Variants in ADGRG6 observed in about 807,000 individuals in gnomAD.
The protein encoded by ADGRG6 is G-protein coupled receptor 126.
A neutral mutation model predicts 142.4 loss-of-function variants in ADGRG6; 84 were observed. The observed-to-expected ratio is 0.59, with a 90% CI of 0.49 to 0.71. The LOEUF (loss-of-function observed/expected upper bound fraction) is 0.71, where lower values mean the gene tolerates loss of function less well. Ranked by LOEUF, ADGRG6 falls within the 30% of genes least tolerant of loss-of-function variation. The pLI, the probability that ADGRG6 is intolerant of heterozygous loss-of-function variation, is 0.00. For missense variants in ADGRG6, 1,367 were observed against 1,466.6 expected (o/e 0.93, Z 1.11); for synonymous variants, 521 against 520.5 (o/e 1.00, Z -0.01).
At chr6:142,353,069 C>G (rs1427940328) in intron 2 of ADGRG6, among the ~76,000 whole-genome samples, 1 of 152,044 alleles carries the variant, frequency 6.6e-6, no homozygotes, top group Non-Finnish European at 1.5e-5. Flanking sequence ...AGTATGAACT[C>G]AAGGTAAGTG....
Position 142,402,807 on chromosome 6 carries a change from T to C in ADGRG6, c.1932T>C (p.Ser644=), listed in dbSNP as rs775155415. 2.5e-6 allele frequency: 4 copies of C among 1,584,528 alleles called. No individual in the cohort carries two copies. In the South Asian group the frequency reaches 3.5e-5, roughly 14 times the overall value. Residue 644 remains serine, a synonymous_variant, in exon 13 of 25, where the codon AGT becomes AGC. Transcript: ENST00000367609. ...IFSNILSSSD[S]DLLESSSEAL... ...CTAATATCTTAAGCAGTTCAGACAG[T>C]GACTTGCTTGAGTCATCTTCTGAGT... is the stretch of plus-strand genomic sequence containing the variant.
At chr6:142,413,899 T>TCACACACACACACACACACACACA (rs112923600) in intron 18 of ADGRG6, among the ~76,000 whole-genome samples, 2 of 141,394 alleles carry the variant, frequency 1.4e-5, no homozygotes, top group Non-Finnish European at 3.1e-5. Flanking sequence ...CATTTCTTTA[T>TCACACACACACACACACACACACA]CACACACACA....
chr6:142,439,002 T>C (rs1031304785), intron 24 of ADGRG6, among the ~76,000 whole-genome samples: 6 of 152,178 alleles, frequency 3.9e-5, no homozygotes, highest in African/African-American at 1.4e-4. Context: ...AAGAATATTT[T>C]AAGCCAGGTG....
chr6:142,361,787 A>G (rs1410542344), intron 2 of ADGRG6, among the ~76,000 whole-genome samples: 1 of 151,656 alleles, frequency 6.6e-6, no homozygotes, highest in Non-Finnish European at 1.5e-5. Flanking sequence ...GTTGTTTCAA[A>G]TTATTCATTG....
chr6:142,302,744 T>C, intron 1 of ADGRG6: 1 of 211,572 alleles, frequency 4.7e-6, no homozygotes, highest in Non-Finnish European at 9.3e-6. Flanking sequence ...TGGAAGGTAC[T>C]AGTATGCCGA....
chr6:142,428,295 CTG>C (rs1181224279), intron 22 of ADGRG6, among the ~76,000 whole-genome samples: 4 of 151,464 alleles, frequency 2.6e-5, no homozygotes, highest in African/African-American at 9.7e-5. Context: ...ACACTTATAA[CTG>C]TATAATTTAA....
At chr6:142,346,306 C>A (rs887326188) in intron 2 of ADGRG6, among the ~76,000 whole-genome samples, 5 of 152,176 alleles carry the variant, frequency 3.3e-5, no homozygotes, top group African/African-American at 9.6e-5. Context: ...TCCTCTCCAG[C>A]ATATGTTGTT....
At chr6:142,304,612 A>G (rs1777393711) in intron 1 of ADGRG6, among the ~76,000 whole-genome samples, 1 of 152,250 alleles carries the variant, frequency 6.6e-6, no homozygotes. Flanking sequence ...CATATTAAAA[A>G]TAAACTAATA....
chr6:142,419,338 A>AGGACCTTGCCAGTT (rs1776538944), intron 21 of ADGRG6, among the ~76,000 whole-genome samples: 1 of 152,178 alleles, frequency 6.6e-6, no homozygotes, highest in South Asian at 2.1e-4. Context: ...AGAAGGAATA[A>AGGACCTTGCCAGTT]GGACCTTGCC....
intron 2 of ADGRG6, among the ~76,000 whole-genome samples, chr6:142,314,840 T>G (rs1777950139): frequency 6.6e-6 from 1 of 152,120 alleles, no homozygotes; most frequent in Admixed American, 6.6e-5. Context: ...TAGTAATTAA[T>G]TGTCCAAAGA....
At chr6:142,372,982 A>G (rs1220159088) in intron 4 of ADGRG6, among the ~76,000 whole-genome samples, 1 of 152,232 alleles carries the variant, frequency 6.6e-6, no homozygotes, top group Admixed American at 6.5e-5. Context: ...ATTTAAATTG[A>G]ACACACATTT....
chr6:142,375,410 T>C (rs892173701), intron 4 of ADGRG6, among the ~76,000 whole-genome samples: 1 of 152,200 alleles, frequency 6.6e-6, no homozygotes, highest in African/African-American at 2.4e-5. Flanking sequence ...TCCTGGACTG[T>C]GTTTCAGGAG....
intron 16 of ADGRG6, among the ~76,000 whole-genome samples, chr6:142,409,411 T>C (rs999029193): frequency 9.9e-5 from 15 of 152,150 alleles, no homozygotes; most frequent in Non-Finnish European, 2.1e-4. Context: ...CTATTCCTCA[T>C]TGATAGACGC....
Position 142,383,905 on chromosome 6 carries a change from A to T in ADGRG6, c.1222+62A>T. 3.6e-6 allele frequency: 3 copies of T among 824,234 alleles called. No homozygotes were observed. The South Asian group carries it at 4.4e-5, about 12-fold the overall frequency. The allele number at this position is 824,234 out of a possible 1,614,324, so 51.1% of individuals were successfully genotyped here. A position where few individuals can be genotyped will look rare whatever the true frequency, so the allele number is the denominator to read the frequency against. On this transcript the variant is annotated intron_variant, in intron 6 of 24. Coordinates refer to ENST00000367609, the MANE Select transcript of ADGRG6 (RefSeq NM_198569.3). ...TAACATAAAAAATTGTATTCTAAGG[A>T]TGGAAATATGTATTATTCCAACAAA... is the stretch of plus-strand genomic sequence containing the variant.
intron 2 of ADGRG6, among the ~76,000 whole-genome samples, chr6:142,357,592 G>C (rs576083708): frequency 6.6e-6 from 1 of 152,098 alleles, no homozygotes; most frequent in Non-Finnish European, 1.5e-5. Context: ...GCACAAACCT[G>C]AATGAGTTTT....
intron 1 of ADGRG6, among the ~76,000 whole-genome samples, chr6:142,307,516 T>C (rs1381710684): frequency 6.6e-6 from 1 of 152,068 alleles, no homozygotes; most frequent in Non-Finnish European, 1.5e-5. Context: ...CGGAAGTTTG[T>C]CACCTACCGT....
intron 2 of ADGRG6, among the ~76,000 whole-genome samples, chr6:142,344,909 A>G (rs981525142): frequency 5.3e-5 from 8 of 152,024 alleles, no homozygotes; most frequent in Admixed American, 4.6e-4. Flanking sequence ...GATGTTGGGA[A>G]TATTAGGAAA....
chr6:142,370,109 A>G, intron 3 of ADGRG6, 61 bp from the exon 4 acceptor site: 1 of 1,424,704 alleles, frequency 7.0e-7, no homozygotes, highest in Non-Finnish European at 9.5e-7. Flanking sequence ...GATGTTTTGC[A>G]TCACATTAGT....
chr6:142,379,884 A>T (rs1781678577), intron 4 of ADGRG6, among the ~76,000 whole-genome samples: 1 of 152,248 alleles, frequency 6.6e-6, no homozygotes, highest in Admixed American at 6.5e-5. Context: ...CCCGTGACAC[A>T]GCCTCAGGGG....
Sources: gnomAD v4.1 joint callset for allele counts (sites outside exome capture counted in the v4.1 genomes callset) on GRCh38, gnomAD v4.1.1 for gene constraint, MANE v1.5 for transcripts, NCBI Gene and HGNC (gene_info 2026-07-23, HGNC 2026-07-21) for gene names.